Variants in C12orf76 observed in about 807,000 individuals in gnomAD.
C12orf76 encodes uncharacterized protein C12orf76.
C12orf76 carries 6 observed loss-of-function variants against 6.8 expected under a neutral mutation model. That is an observed-to-expected ratio of 0.88 (90% CI 0.48 to 1.73). The LOEUF (loss-of-function observed/expected upper bound fraction) is 1.73. Ranked by LOEUF, C12orf76 falls within the 40% of genes most tolerant of loss-of-function variation. The pLI is 0.01. For synonymous variants in C12orf76, 56 were observed against 43.7 expected, an observed-to-expected ratio of 1.28 and a Z score of -1.11; for missense variants, 99 against 98.2, an observed-to-expected ratio of 1.01 and a Z score of -0.03.
intron 1 of C12orf76, among the ~76,000 whole-genome samples, chr12:110,045,407 G>A (rs898918653): frequency 2.0e-4 from 31 of 151,960 alleles, no homozygotes; most frequent in African/African-American, 5.8e-4. Flanking sequence ...CTAACGTGGT[G>A]AAACCCCGTC....
At chr12:110,068,129 G>A (rs1411654708), upstream of C12orf76, among the ~76,000 whole-genome samples, 1 of 151,736 alleles carries the variant, frequency 6.6e-6, no homozygotes, top group Non-Finnish European at 1.5e-5. Context: ...GTTTGAACCC[G>A]GGAGGCAGAG....
At chr12:110,043,750 G>A (rs898485191) in intron 1 of C12orf76, among the ~76,000 whole-genome samples, 11 of 151,988 alleles carry the variant, frequency 7.2e-5, no homozygotes, top group South Asian at 2.1e-4. Flanking sequence ...AACTACTCAG[G>A]AGGCTGAGGC....
chr12:110,057,339 C>A, intron 3 of C12orf76: 1 of 1,297,316 alleles, frequency 7.7e-7, no homozygotes, highest in Non-Finnish European at 1.1e-6. Flanking sequence ...GCTGAGCCTC[C>A]AAAGTGAACT....
exon 4 of C12orf76, chr12:110,057,282 TC>T: frequency 6.2e-7 from 1 of 1,612,378 alleles, no homozygotes. Flanking sequence ...AAAGTTCCTC[TC>T]CCCCTTACAG....
At chr12:110,046,191 G>A (rs1297874768) in intron 1 of C12orf76, among the ~76,000 whole-genome samples, 2 of 152,046 alleles carry the variant, frequency 1.3e-5, no homozygotes, top group African/African-American at 2.4e-5. Flanking sequence ...ACTTTGGGAG[G>A]CCACAGTGGG....
At chr12:110,069,539 T>G (rs112609082), upstream of C12orf76, among the ~76,000 whole-genome samples, 306 of 152,324 alleles carry the variant, frequency 2.0e-3, 2 homozygotes, top group African/African-American at 7.0e-3. Context: ...TTCTTCCCAG[T>G]GGGTCCACTG....
At chr12:110,068,169 A>G (rs1363256375), upstream of C12orf76, among the ~76,000 whole-genome samples, 1 of 151,412 alleles carries the variant, frequency 6.6e-6, no homozygotes, top group Non-Finnish European at 1.5e-5. Context: ...GCGCCATTGC[A>G]CTCCAGCCTA....
In C12orf76 at chr12:110,041,612, A is replaced by G. The variant is rs983808187; in HGVS notation, c.*762T>C. 1 of 152,310 alleles carries G rather than the reference A, an allele frequency of 6.6e-6. No homozygotes were observed. Among genetic ancestry groups the G allele is most frequent in the African/African-American group, 2.4e-5 (1 of 41,462 alleles). The allele number at this position is 152,310 out of a possible 1,614,324, so 9.4% of individuals were successfully genotyped here. A position where few individuals can be genotyped will look rare whatever the true frequency, so the allele number is the denominator to read the frequency against. On this transcript the variant is annotated 3_prime_UTR_variant, in exon 2 of 2. Transcript: ENST00000615315. ...GTGCCCACTGAGCCTTTTACATTCC[A>G]AATCTGGAAAGCTGCCTCAAGTTTC...
chr12:110,066,080 AT>A, intron 1 of C12orf76: 1 of 1,458,152 alleles, frequency 6.9e-7, no homozygotes, highest in Non-Finnish European at 9.0e-7. Flanking sequence ...TCATGTTTCT[AT>A]TTCCCCGAAG....
upstream of C12orf76, among the ~76,000 whole-genome samples, chr12:110,069,936 T>C (rs981477924): frequency 1.3e-5 from 2 of 152,180 alleles, no homozygotes; most frequent in African/African-American, 2.4e-5. Context: ...AATGTTTTTA[T>C]ATATACAATG....
At chr12:110,050,931 A>G (rs958166992), upstream of C12orf76, 10 of 686,868 alleles carry the variant, frequency 1.5e-5, no homozygotes, top group African/African-American at 3.5e-5. Flanking sequence ...ACTATAGTGC[A>G]GAAACCTGAC....
intron 2 of C12orf76, among the ~76,000 whole-genome samples, chr12:110,062,149 AGCT>A (rs1892781864): frequency 1.3e-5 from 2 of 152,126 alleles, no homozygotes; most frequent in Admixed American, 1.3e-4. Context: ...CTGTAATCCC[AGCT>A]ACTTAGGAAG....
chr12:110,072,159 G>A (rs1566081344), upstream of C12orf76, among the ~76,000 whole-genome samples: 2 of 152,122 alleles, frequency 1.3e-5, no homozygotes. Flanking sequence ...AGGTATGGTG[G>A]CTCACGCCTG....
chr12:110,047,448 G>C (rs1185379980), intron 1 of C12orf76, among the ~76,000 whole-genome samples: 4 of 152,108 alleles, frequency 2.6e-5, no homozygotes, highest in Non-Finnish European at 5.9e-5. Flanking sequence ...CAACACTTTG[G>C]GAGGCCGAGG....
At chr12:110,065,839 G>A (rs1000021183) in intron 2 of C12orf76, 8 of 1,614,016 alleles carry the variant, frequency 5.0e-6, no homozygotes, top group Non-Finnish European at 5.9e-6. Flanking sequence ...CCCCTGGTCT[G>A]GCTCTACCCT....
chr12:110,063,026 G>A (rs374407131), intron 2 of C12orf76, among the ~76,000 whole-genome samples: 20 of 151,198 alleles, frequency 1.3e-4, no homozygotes, highest in Non-Finnish European at 2.8e-4. Context: ...TGCAACCTCC[G>A]CCTCCCAGGT....
At chr12:110,059,096 G>A in exon 3 of C12orf76, 1 of 1,551,666 alleles carries the variant, frequency 6.4e-7, no homozygotes, top group South Asian at 1.2e-5. Context: ...TGGCTCCACA[G>A]CCTCAGCTCT....
chr12:110,052,384 CAG>C (rs773851249), upstream of C12orf76, among the ~76,000 whole-genome samples: 8 of 151,994 alleles, frequency 5.3e-5, no homozygotes, highest in East Asian at 3.9e-4. Flanking sequence ...TTTCTAGAAA[CAG>C]GGGTCTCTTT....
rs1892308667 is a variant in C12orf76, at chr12:110,041,434, ATT to A, written c.*938_*939del. On this transcript the variant is annotated 3_prime_UTR_variant, in exon 2 of 2. Coordinates refer to ENST00000615315, the MANE Select transcript of C12orf76 (RefSeq NM_001389625.1). ...ACAGCTTTATAAGTATGAAAGTATC[ATT>A]TCAATAGGAGGAAAAAATCCAGTTC... 6.6e-6 allele frequency: 1 copy of A among 152,612 alleles called. No individual in the cohort carries two copies. Among genetic ancestry groups the A allele is most frequent in the Admixed American group, 6.5e-5 (1 of 15,286 alleles). The allele number at this position is 152,612 out of a possible 1,614,324, so 9.5% of individuals were successfully genotyped here.
Sources: gnomAD v4.1 joint callset for allele counts (sites outside exome capture counted in the v4.1 genomes callset) on GRCh38, gnomAD v4.1.1 for gene constraint, MANE v1.5 for transcripts, NCBI Gene and HGNC (gene_info 2026-07-23, HGNC 2026-07-21) for gene names.